Variants in TCF4 observed in about 807,000 individuals in gnomAD.
The protein encoded by TCF4 is SL3-3 enhancer factor 2.
TCF4 carries 3 observed loss-of-function variants against 82.1 expected under a neutral mutation model. That is an observed-to-expected ratio of 0.04 (90% confidence interval 0.02 to 0.09). The LOEUF is 0.09. Ranked by LOEUF, TCF4 falls within the 10% of genes least tolerant of loss-of-function variation. The pLI, the probability that TCF4 is intolerant of heterozygous loss-of-function variation, is 1.00. For synonymous variants in TCF4, 276 were observed against 309.6 expected, an observed-to-expected ratio of 0.89 and a Z score of 1.14; for missense variants, 518 against 852.7, an observed-to-expected ratio of 0.61 and a Z score of 4.89.
chr18:55,434,353 T>A (rs998298370), intron 5 of TCF4, among the ~76,000 whole-genome samples: 6 of 152,172 alleles, frequency 3.9e-5, no homozygotes, highest in African/African-American at 1.4e-4. Flanking sequence ...ATTGTGATAT[T>A]GTTCAAAACT....
chr18:55,453,519 A>C (rs1006210186), intron 5 of TCF4, among the ~76,000 whole-genome samples: 7 of 152,324 alleles, frequency 4.6e-5, no homozygotes, highest in African/African-American at 7.2e-5. Context: ...CCTGGTATTT[A>C]GAAGGTCTAT....
rs936509473 is a variant in TCF4 at position 55,300,593 on chromosome 18, G to A, written c.550-20937C>T. 5.3e-5 allele frequency among the ~76,000 whole-genome samples: 8 copies of A among 152,018 alleles called. No individual in the cohort carries two copies. In the East Asian group the frequency reaches 1.2e-3, roughly 22 times the overall value. On this transcript the variant is annotated intron_variant, in intron 8 of 19. Coordinates refer to ENST00000354452, the MANE Select transcript of TCF4 (RefSeq NM_001083962.2). ...ATTGCTGCAATCAAAACCATATGTCGGTTCTTCCAGATCTTTCTCACAGGA... is the reference window on the plus strand; with the variant it reads ...ATTGCTGCAATCAAAACCATATGTCAGTTCTTCCAGATCTTTCTCACAGGA...
At chr18:55,556,925 T>C (rs2097309686) in intron 3 of TCF4, among the ~76,000 whole-genome samples, 1 of 152,168 alleles carries the variant, frequency 6.6e-6, no homozygotes, top group South Asian at 2.1e-4. Context: ...TAATTTAAAA[T>C]TTAGCTTGTC....
At chr18:55,291,441 A>C (rs1014675393) in intron 8 of TCF4, among the ~76,000 whole-genome samples, 1 of 152,184 alleles carries the variant, frequency 6.6e-6, no homozygotes, top group Non-Finnish European at 1.5e-5. Context: ...CAATCTGGTA[A>C]AGTTTTGAAC....
At chr18:55,613,335 A>AT (rs943754006) in intron 2 of TCF4, among the ~76,000 whole-genome samples, 2 of 151,620 alleles carry the variant, frequency 1.3e-5, no homozygotes, top group South Asian at 2.1e-4. Flanking sequence ...AATAGTTGGG[A>AT]TTTTTTTTGG....
At chr18:55,627,182 G>T (rs751274852) in intron 2 of TCF4, among the ~76,000 whole-genome samples, 1 of 152,114 alleles carries the variant, frequency 6.6e-6, no homozygotes, top group African/African-American at 2.4e-5. Flanking sequence ...ACAGTTACTT[G>T]CTGAGTGTAC....
intron 5 of TCF4, among the ~76,000 whole-genome samples, chr18:55,414,544 A>C (rs1456949200): frequency 2.0e-5 from 3 of 152,204 alleles, no homozygotes; most frequent in Non-Finnish European, 4.4e-5. Context: ...CACAGAAATC[A>C]CTTATACAAA....
intron 6 of TCF4, among the ~76,000 whole-genome samples, chr18:55,391,414 G>A (rs527267060): frequency 1.3e-5 from 2 of 151,944 alleles, no homozygotes; most frequent in South Asian, 4.2e-4. Flanking sequence ...ACCCTTCTAA[G>A]ACTTTAAATT....
At chr18:55,302,554 A>G in intron 8 of TCF4, 1 of 1,535,472 alleles carries the variant, frequency 6.5e-7, no homozygotes, top group Non-Finnish European at 8.7e-7. Context: ...ACACACAAGG[A>G]GCAAGCAGGA....
At chr18:55,631,019 C>A (rs1013834435) in intron 2 of TCF4, among the ~76,000 whole-genome samples, 30 of 150,304 alleles carry the variant, frequency 2.0e-4, no homozygotes, top group African/African-American at 7.1e-4. Flanking sequence ...TGGACATATG[C>A]AACATGTTTA....
intron 6 of TCF4, among the ~76,000 whole-genome samples, chr18:55,368,591 G>A (rs901899549): frequency 1.3e-5 from 2 of 152,190 alleles, no homozygotes; most frequent in African/African-American, 2.4e-5. Context: ...TGTGGGCCAT[G>A]GGTTAGACAA....
chr18:55,421,135 A>G (rs2094731698), intron 5 of TCF4, among the ~76,000 whole-genome samples: 5 of 152,152 alleles, frequency 3.3e-5, no homozygotes, highest in Admixed American at 1.3e-4. Flanking sequence ...ACCACAATAG[A>G]TTTTACAGGA....
At chr18:55,622,501 C>CTCTG (rs2097722368) in intron 2 of TCF4, among the ~76,000 whole-genome samples, 1 of 112,758 alleles carries the variant, frequency 8.9e-6, no homozygotes, top group African/African-American at 3.5e-5. Flanking sequence ...GAGACTCAAT[C>CTCTG]TTAAAAAAAA....
intron 5 of TCF4, among the ~76,000 whole-genome samples, chr18:55,430,976 C>T (rs2095172891): frequency 6.6e-6 from 1 of 151,960 alleles, no homozygotes; most frequent in African/African-American, 2.4e-5. Flanking sequence ...TCCATTTGCA[C>T]ATTTTGAAGC....
intron 5 of TCF4, among the ~76,000 whole-genome samples, chr18:55,430,740 G>A (rs1310472522): frequency 6.6e-6 from 1 of 152,068 alleles, no homozygotes; most frequent in Non-Finnish European, 1.5e-5. Context: ...AAACGAACAG[G>A]GCTAGAAAAA....
chr18:55,602,820 A>G (rs1201490770), intron 2 of TCF4, among the ~76,000 whole-genome samples: 1 of 152,260 alleles, frequency 6.6e-6, no homozygotes, highest in East Asian at 1.9e-4. Context: ...AGTTTGATAA[A>G]GTTGCAAAGA....
chr18:55,444,487 G>T (rs915560943), intron 5 of TCF4, among the ~76,000 whole-genome samples: 1 of 152,090 alleles, frequency 6.6e-6, no homozygotes, highest in Non-Finnish European at 1.5e-5. Context: ...TTCCAGTTGC[G>T]CTTTTGAAGG....
At chr18:55,302,363 T>A in intron 8 of TCF4, 1 of 1,479,982 alleles carries the variant, frequency 6.8e-7, no homozygotes, top group South Asian at 1.2e-5. Context: ...GCCCAAGAGG[T>A]GTCAAGTCAG....
intron 3 of TCF4, among the ~76,000 whole-genome samples, chr18:55,524,920 C>A (rs1047948424): frequency 1.7e-4 from 26 of 152,150 alleles, no homozygotes; most frequent in African/African-American, 6.3e-4. Flanking sequence ...CTCTGAGGCC[C>A]ACAACTCAAA....
Sources: gnomAD v4.1 joint callset for allele counts (sites outside exome capture counted in the v4.1 genomes callset) on GRCh38, gnomAD v4.1.1 for gene constraint, MANE v1.5 for transcripts, NCBI Gene and HGNC (gene_info 2026-07-23, HGNC 2026-07-21) for gene names.